The following MTUS2 variants were observed in gnomAD, a reference collection of about 807,000 sequenced individuals.
MTUS2 encodes microtubule associated scaffold protein 2, also known as microtubule-associated tumor suppressor candidate 2.
MTUS2 carries 40 observed loss-of-function variants against 114.1 expected under a neutral mutation model. The ratio of observed to expected loss-of-function variants is 0.35; its 90% CI spans 0.27 to 0.46. The LOEUF (loss-of-function observed/expected upper bound fraction) is 0.46. Ranked by LOEUF, MTUS2 falls within the 20% of genes least tolerant of loss-of-function variation. The pLI, the probability that MTUS2 is intolerant of heterozygous loss-of-function variation, is 1.00. For synonymous variants in MTUS2, 688 were observed against 672.0 expected (o/e 1.02, Z -0.37); for missense variants, 1,679 against 1,705.4 (o/e 0.98, Z 0.27).
chr13:29,114,715 TGAA>T (rs1891017553), intron 5 of MTUS2, among the ~76,000 whole-genome samples: 1 of 152,182 alleles, frequency 6.6e-6, no homozygotes, highest in African/African-American at 2.4e-5. Context: ...CTGGTTTTCT[TGAA>T]GACCTCCTGT....
chr13:29,481,429 C>T (rs1881165449), intron 10 of MTUS2, among the ~76,000 whole-genome samples: 1 of 152,134 alleles, frequency 6.6e-6, no homozygotes, highest in Admixed American at 6.5e-5. Flanking sequence ...AGTTCTCCAG[C>T]TCCGATGGCT....
chr13:29,101,891 T>C (rs979163280), intron 5 of MTUS2, among the ~76,000 whole-genome samples: 9 of 152,266 alleles, frequency 5.9e-5, no homozygotes, highest in Non-Finnish European at 1.2e-4. Flanking sequence ...TTCTTGTGTT[T>C]ACAGAGATGA....
chr13:28,841,676 G>GTGT (rs1555266711), intron 2 of MTUS2, among the ~76,000 whole-genome samples: 32 of 149,900 alleles, frequency 2.1e-4, no homozygotes, highest in South Asian at 1.5e-3. Flanking sequence ...GTGTGTGTGT[G>GTGT]TTTTTTTTTG....
intron 5 of MTUS2, among the ~76,000 whole-genome samples, chr13:29,162,401 T>G (rs1893136819): frequency 6.6e-6 from 1 of 152,190 alleles, no homozygotes; most frequent in Non-Finnish European, 1.5e-5. Context: ...TCTTTTTTTT[T>G]GGTCCTGATC....
At chr13:29,408,179 G>T (rs191391170) in intron 8 of MTUS2, among the ~76,000 whole-genome samples, 2 of 151,536 alleles carry the variant, frequency 1.3e-5, no homozygotes, top group Non-Finnish European at 2.9e-5. Flanking sequence ...ATTTTAACGG[G>T]TATATAATGT....
At chr13:28,912,238 G>A (rs574094634) in intron 2 of MTUS2, among the ~76,000 whole-genome samples, 1 of 152,258 alleles carries the variant, frequency 6.6e-6, no homozygotes, top group Non-Finnish European at 1.5e-5. Context: ...TGGCTAGCCA[G>A]TTCTCCCAGC....
intron 5 of MTUS2, among the ~76,000 whole-genome samples, chr13:29,117,900 A>G (rs1487102936): frequency 1.3e-5 from 2 of 152,106 alleles, no homozygotes; most frequent in East Asian, 1.9e-4. Context: ...AGATTTGTTA[A>G]TGAAGGAAAT....
At chr13:28,996,957 C>A (rs183072987) in intron 2 of MTUS2, among the ~76,000 whole-genome samples, 1 of 151,970 alleles carries the variant, frequency 6.6e-6, no homozygotes, top group Non-Finnish European at 1.5e-5. Flanking sequence ...GTGTTTGCTC[C>A]TGCTTCTCTA....
At chr13:28,830,010 AC>A (rs1206363116) in intron 1 of MTUS2, among the ~76,000 whole-genome samples, 6 of 151,570 alleles carry the variant, frequency 4.0e-5, no homozygotes, top group Admixed American at 1.3e-4. Flanking sequence ...CATGTACCCC[AC>A]CCCCCAACAC....
chr13:28,831,030 C>T (rs995291501), intron 1 of MTUS2, among the ~76,000 whole-genome samples: 14 of 152,228 alleles, frequency 9.2e-5, no homozygotes, highest in Admixed American at 3.3e-4. Flanking sequence ...GGTAATCTTT[C>T]AGTTTGTAAC....
At chr13:29,229,388 C>T (rs1458814989) in intron 5 of MTUS2, among the ~76,000 whole-genome samples, 1 of 152,194 alleles carries the variant, frequency 6.6e-6, no homozygotes, top group East Asian at 1.9e-4. Flanking sequence ...TATCATGGTT[C>T]AGGGTCAAGG....
intron 9 of MTUS2, among the ~76,000 whole-genome samples, chr13:29,465,081 G>A (rs1879791093): frequency 6.6e-6 from 1 of 152,164 alleles, no homozygotes; most frequent in Non-Finnish European, 1.5e-5. Flanking sequence ...CAGAACTTTT[G>A]TGACGTTCAA....
At chr13:28,876,380 T>C (rs140129171) in intron 2 of MTUS2, among the ~76,000 whole-genome samples, 1 of 152,308 alleles carries the variant, frequency 6.6e-6, no homozygotes, top group East Asian at 1.9e-4. Flanking sequence ...CACATAAATA[T>C]GGACACTGAG....
chr13:29,447,983 C>A (rs1185165510), intron 9 of MTUS2, among the ~76,000 whole-genome samples: 2 of 152,136 alleles, frequency 1.3e-5, no homozygotes, highest in South Asian at 4.2e-4. Context: ...GCACTGAAAT[C>A]GGTTTATAAG....
At chr13:29,294,106 AAG>A (rs1898834738) in intron 6 of MTUS2, among the ~76,000 whole-genome samples, 1 of 152,146 alleles carries the variant, frequency 6.6e-6, no homozygotes, top group South Asian at 2.1e-4. Context: ...GTTCTAAGGA[AAG>A]AGCATGAAGG....
At chr13:29,091,206 C>A (rs1420466379) in intron 4 of MTUS2, among the ~76,000 whole-genome samples, 1 of 152,062 alleles carries the variant, frequency 6.6e-6, no homozygotes, top group East Asian at 1.9e-4. Context: ...GAGAAGCTCC[C>A]CCAGCTGCAT....
At chr13:28,958,727 A>G (rs1168330438) in intron 2 of MTUS2, among the ~76,000 whole-genome samples, 1 of 152,204 alleles carries the variant, frequency 6.6e-6, no homozygotes, top group African/African-American at 2.4e-5. Flanking sequence ...CAAATGGAAG[A>G]GTGCGCATCA....
chr13:29,275,778 A>G (rs1462912072), intron 5 of MTUS2, among the ~76,000 whole-genome samples: 2 of 152,178 alleles, frequency 1.3e-5, no homozygotes, highest in African/African-American at 4.8e-5. Context: ...CTATTGATGG[A>G]CACTTCGGTT....
At chr13:29,156,448 G>A (rs939691369) in intron 5 of MTUS2, among the ~76,000 whole-genome samples, 1 of 152,050 alleles carries the variant, frequency 6.6e-6, no homozygotes, top group Non-Finnish European at 1.5e-5. Context: ...CCAAGGTTGT[G>A]CAATAAAAAG....
Sources: gnomAD v4.1 joint callset for allele counts (sites outside exome capture counted in the v4.1 genomes callset) on GRCh38, gnomAD v4.1.1 for gene constraint, MANE v1.5 for transcripts, NCBI Gene and HGNC (gene_info 2026-07-23, HGNC 2026-07-21) for gene names.